Variants in DNAJC18 observed in about 807,000 individuals in gnomAD.
DNAJC18 encodes the protein DnaJ heat shock protein family (Hsp40) member C18, also known as dnaJ homolog subfamily C member 18.
In DNAJC18, 40 loss-of-function variants were observed where a neutral mutation model predicts 48.6. The ratio of observed to expected loss-of-function variants is 0.82; its 90% CI spans 0.64 to 1.07. DNAJC18 has a LOEUF of 1.07. DNAJC18 is among the 50% of genes least tolerant of loss of function. The probability of loss-of-function intolerance (pLI) is 0.00; values close to 1 mark genes in which losing one functional copy is unlikely to be tolerated. For missense variants in DNAJC18, 340 were observed against 427.7 expected (o/e 0.79, Z 1.81); for synonymous variants, 135 against 152.2 (o/e 0.89, Z 0.83).
At chr5:139,428,966 T>C (rs1379298945) in intron 2 of DNAJC18, among the ~76,000 whole-genome samples, 1 of 152,070 alleles carries the variant, frequency 6.6e-6, no homozygotes, top group Non-Finnish European at 1.5e-5. Context: ...CAGGCTAAGA[T>C]CCTGAGAGAT....
intron 7 of DNAJC18, among the ~76,000 whole-genome samples, chr5:139,418,389 G>C (rs1230731472): frequency 3.3e-5 from 5 of 151,702 alleles, no homozygotes; most frequent in African/African-American, 1.2e-4. Context: ...TGATCCTCCT[G>C]CCTCGGCCTC....
At chr5:139,431,719 A>G (rs1482858496) in intron 2 of DNAJC18, among the ~76,000 whole-genome samples, 1 of 152,214 alleles carries the variant, frequency 6.6e-6, no homozygotes, top group African/African-American at 2.4e-5. Flanking sequence ...ATATACTAGG[A>G]GTAGATTGCT....
chr5:139,437,586 C>G (rs1210506866), intron 1 of DNAJC18, 28 bp from the exon 2 acceptor site: 1 of 1,582,074 alleles, frequency 6.3e-7, no homozygotes, highest in African/African-American at 1.4e-5. Context: ...TCCATTAGGT[C>G]TCCATCTGAC....
Position 139,413,688 on chromosome 5 carries a change from T to C in DNAJC18, c.*460A>G, listed in dbSNP as rs912661157. 2 of 153,620 alleles carry C rather than the reference T, an allele frequency of 1.3e-5. No homozygotes were observed. The highest frequency in any genetic ancestry group is 1.3e-4 in the Admixed American group (2 of 15,326). The allele number at this position is 153,620 out of a possible 1,614,324, so 9.5% of individuals were successfully genotyped here. On this transcript the variant is annotated 3_prime_UTR_variant, in exon 8 of 8. Coordinates refer to ENST00000302060, the MANE Select transcript of DNAJC18 (RefSeq NM_152686.4). ...CTGGGCAGGAACATGTTCCAAAGGCTAAATCTTGGCGGAGATGATGACTCT... is the reference window on the plus strand; with the variant it reads ...CTGGGCAGGAACATGTTCCAAAGGCCAAATCTTGGCGGAGATGATGACTCT...
At chr5:139,426,895 A>G (rs149729262) in intron 3 of DNAJC18, among the ~76,000 whole-genome samples, 5 of 152,210 alleles carry the variant, frequency 3.3e-5, no homozygotes, top group Non-Finnish European at 5.9e-5. Flanking sequence ...TTTAAAAAAA[A>G]TTTTTTTAGA....
At chr5:139,430,743 G>A (rs1237832184) in intron 2 of DNAJC18, among the ~76,000 whole-genome samples, 1 of 151,848 alleles carries the variant, frequency 6.6e-6, no homozygotes, top group Non-Finnish European at 1.5e-5. Context: ...CTAGTTTTTT[G>A]TATTTTTAGT....
chr5:139,418,814 G>T, intron 7 of DNAJC18: 1 of 456,270 alleles, frequency 2.2e-6, no homozygotes, highest in Non-Finnish European at 4.4e-6. Context: ...TTGTTCTGAA[G>T]CAAGGACTGT....
chr5:139,423,981 G>A (rs1329277910), intron 5 of DNAJC18, among the ~76,000 whole-genome samples: 1 of 152,072 alleles, frequency 6.6e-6, no homozygotes, highest in Non-Finnish European at 1.5e-5. Flanking sequence ...ACAGTAGTGG[G>A]GCTCTAGGAG....
intron 6 of DNAJC18, among the ~76,000 whole-genome samples, chr5:139,421,195 A>T (rs1454466263): frequency 6.6e-6 from 1 of 152,182 alleles, no homozygotes; most frequent in African/African-American, 2.4e-5. Flanking sequence ...GTGGCTCATG[A>T]CGGTAATCCC....
intron 2 of DNAJC18, among the ~76,000 whole-genome samples, chr5:139,431,379 C>T (rs1013681154): frequency 6.6e-6 from 1 of 152,130 alleles, no homozygotes; most frequent in Non-Finnish European, 1.5e-5. Context: ...CTCCCCCAGC[C>T]CCTGGGACCC....
At chr5:139,426,741 G>A (rs1251146039) in intron 3 of DNAJC18, among the ~76,000 whole-genome samples, 3 of 152,136 alleles carry the variant, frequency 2.0e-5, no homozygotes, top group African/African-American at 7.2e-5. Flanking sequence ...TAAAAAATGT[G>A]TTCTGGCCAG....
intron 2 of DNAJC18, among the ~76,000 whole-genome samples, chr5:139,435,982 C>G (rs938605228): frequency 1.3e-5 from 2 of 151,782 alleles, no homozygotes; most frequent in African/African-American, 4.8e-5. Flanking sequence ...CCTCAGCCTC[C>G]CAAAGTAATG....
chr5:139,430,632 C>G (rs958056288), intron 2 of DNAJC18, among the ~76,000 whole-genome samples: 2 of 150,508 alleles, frequency 1.3e-5, no homozygotes, highest in Non-Finnish European at 2.9e-5. Context: ...TGCAGTGGCG[C>G]GATCCTGGCT....
In DNAJC18 at chr5:139,413,982, G is replaced by A; in HGVS notation, c.*166C>T. The A allele has an allele frequency of 1.0e-6, 1 of 962,272 alleles. No individual in the cohort carries two copies. Among genetic ancestry groups the A allele is most frequent in the Non-Finnish European group, 1.5e-6 (1 of 668,962 alleles). The allele number at this position is 962,272 out of a possible 1,614,324, so 59.6% of individuals were successfully genotyped here. The stretch of plus-strand genomic sequence containing the variant: ...CACTCCCCAGGAAGGATCCTGTGAA[G>A]ACACATCTGGCTCTCGTGCCCATGC... On this transcript the variant is annotated 3_prime_UTR_variant, in exon 8 of 8. Coordinates refer to ENST00000302060, the MANE Select transcript of DNAJC18 (RefSeq NM_152686.4).
At position 139,437,574 on chromosome 5, in the gene DNAJC18, C is replaced by T. The variant is rs903276274; in HGVS notation, c.41-16G>A. 1 of 1,605,610 alleles carries T rather than the reference C, an allele frequency of 6.2e-7. No individual in the cohort carries two copies. The highest frequency in any genetic ancestry group is 2.2e-5 in the East Asian group (1 of 44,680). ...TCAATGTAAGCTGCAAACAACAGCC[C>T]CTCCATTAGGTCTCCATCTGACCCT... On this transcript the variant is annotated splice_polypyrimidine_tract_variant and intron_variant, in intron 1 of 7. Transcript: ENST00000302060.
Position 139,413,503 on chromosome 5 carries a change from T to A in DNAJC18, c.*645A>T, listed in dbSNP as rs1214304959. 6.6e-6 allele frequency: 1 copy of A among 152,298 alleles called. No individual in the cohort carries two copies. Among genetic ancestry groups the A allele is most frequent in the Non-Finnish European group, 1.5e-5 (1 of 68,114 alleles). The allele number at this position is 152,298 out of a possible 1,614,324, so 9.4% of individuals were successfully genotyped here. ...CCGCCTCCAGATGCTGCTCAGTAGT[T>A]TTAATTTCTGGACTCTCTAAAGGAG... On this transcript the variant is annotated 3_prime_UTR_variant, in exon 8 of 8. Coordinates refer to ENST00000302060, the MANE Select transcript of DNAJC18 (RefSeq NM_152686.4).
chr5:139,425,293 A>G (rs536736340), intron 4 of DNAJC18, among the ~76,000 whole-genome samples, 179 bp from the exon 5 acceptor site: 1 of 152,014 alleles, frequency 6.6e-6, no homozygotes, highest in South Asian at 2.1e-4. Context: ...CATCCTCAGT[A>G]GCTGGGATTA....
Position 139,413,929 on chromosome 5 carries a change from T to A in DNAJC18, c.*219A>T. 1 of 559,320 alleles carries A rather than the reference T, an allele frequency of 1.8e-6. No homozygotes were observed. 34.6% of individuals were successfully genotyped at this position (559,320 alleles called of 1,614,324 possible). Reference sequence around the variant, plus strand: ...CCAATGCCTTGCCATTAATTTAACTTAGATGAACTACTCCTGGTCCCTGGA... The same window carrying A: ...CCAATGCCTTGCCATTAATTTAACTAAGATGAACTACTCCTGGTCCCTGGA... On this transcript the variant is annotated 3_prime_UTR_variant, in exon 8 of 8. Coordinates refer to ENST00000302060, the MANE Select transcript of DNAJC18 (RefSeq NM_152686.4).
Position 139,413,197 on chromosome 5 carries a change from G to T in DNAJC18, c.*951C>A, listed in dbSNP as rs1759019086. 1 of 248,322 alleles carries T rather than the reference G, an allele frequency of 4.0e-6. No homozygotes were observed. The highest frequency in any genetic ancestry group is 7.6e-6 in the Non-Finnish European group (1 of 131,698). The allele number at this position is 248,322 out of a possible 1,614,324, so 15.4% of individuals were successfully genotyped here. On this transcript the variant is annotated 3_prime_UTR_variant, in exon 8 of 8. Coordinates refer to ENST00000302060, the MANE Select transcript of DNAJC18 (RefSeq NM_152686.4). ...ACTATAGGATACTGGGTTAAACAAA[G>T]TGGCTGCTGGGGCCAAAGCTAGACC...
Sources: gnomAD v4.1 joint callset for allele counts (sites outside exome capture counted in the v4.1 genomes callset) on GRCh38, gnomAD v4.1.1 for gene constraint, MANE v1.5 for transcripts, NCBI Gene and HGNC (gene_info 2026-07-23, HGNC 2026-07-21) for gene names.